KITLG: variants seen among roughly 807,000 people sequenced by gnomAD.
KITLG encodes the protein c-Kit ligand.
KITLG carries 13 observed loss-of-function variants against 34.1 expected under a neutral mutation model. The ratio of observed to expected loss-of-function variants is 0.38; its 90% CI spans 0.25 to 0.61. The LOEUF is 0.61. Ranked by LOEUF, KITLG falls within the 20% of genes least tolerant of loss-of-function variation. The probability of loss-of-function intolerance (pLI) is 0.60; values close to 1 mark genes in which losing one functional copy is unlikely to be tolerated. For missense variants in KITLG, 292 were observed against 318.9 expected (o/e 0.92, Z 0.64); for synonymous variants, 110 against 104.0 (o/e 1.06, Z -0.35).
intron 2 of KITLG, among the ~76,000 whole-genome samples, chr12:88,539,986 C>T (rs1870466422): frequency 6.6e-6 from 1 of 151,924 alleles, no homozygotes; most frequent in Non-Finnish European, 1.5e-5. Flanking sequence ...TAAAGAATAT[C>T]TAAATAAAGA....
chr12:88,541,130 T>C (rs1870503446), intron 2 of KITLG, among the ~76,000 whole-genome samples: 3 of 152,284 alleles, frequency 2.0e-5, no homozygotes, highest in East Asian at 3.9e-4. Flanking sequence ...AAACTGTCTA[T>C]TCAAAGTGTG....
chr12:88,560,366 A>G (rs1302591788), intron 1 of KITLG, among the ~76,000 whole-genome samples: 1 of 152,214 alleles, frequency 6.6e-6, no homozygotes, highest in African/African-American at 2.4e-5. Context: ...TGACTATACA[A>G]TCATTCACAA....
At chr12:88,560,967 CAAAAAAAAA>C (rs34851499) in intron 1 of KITLG, among the ~76,000 whole-genome samples, 31 of 58,096 alleles carry the variant, frequency 5.3e-4, no homozygotes, top group African/African-American at 2.4e-3. Flanking sequence ...GACTCTGTCT[CAAAAAAAAA>C]AAAAAAAAAA....
At chr12:88,509,468 A>C (rs1869194241) in intron 6 of KITLG, among the ~76,000 whole-genome samples, 1 of 152,210 alleles carries the variant, frequency 6.6e-6, no homozygotes, top group Admixed American at 6.5e-5. Flanking sequence ...TTACTAAAGA[A>C]AGCTCAGACT....
At chr12:88,532,048 A>T (rs953698051) in intron 3 of KITLG, among the ~76,000 whole-genome samples, 1 of 152,096 alleles carries the variant, frequency 6.6e-6, no homozygotes, top group African/African-American at 2.4e-5. Context: ...ATAAAAATTT[A>T]AAAATAAAGT....
intron 1 of KITLG, among the ~76,000 whole-genome samples, chr12:88,547,551 A>G (rs1236441192): frequency 6.6e-6 from 1 of 152,228 alleles, no homozygotes; most frequent in Non-Finnish European, 1.5e-5. Context: ...CTGTCCCTTA[A>G]TAACAGTCTT....
At chr12:88,541,282 C>A (rs939069199) in intron 2 of KITLG, among the ~76,000 whole-genome samples, 1 of 152,098 alleles carries the variant, frequency 6.6e-6, no homozygotes, top group Non-Finnish European at 1.5e-5. Context: ...TGCTATCTTA[C>A]TAATTTGTAG....
chr12:88,521,121 G>A (rs1216983582), intron 3 of KITLG, among the ~76,000 whole-genome samples: 2 of 152,040 alleles, frequency 1.3e-5, no homozygotes, highest in East Asian at 1.9e-4. Flanking sequence ...TTTGGAAAAG[G>A]CTGAATCATA....
intron 9 of KITLG, among the ~76,000 whole-genome samples, chr12:88,498,347 T>C (rs1223567968): frequency 3.9e-5 from 6 of 152,122 alleles, no homozygotes; most frequent in African/African-American, 1.4e-4. Flanking sequence ...TTAAAAACTG[T>C]CTTATACAAC....
chr12:88,511,048 C>T (rs139296264), intron 6 of KITLG, among the ~76,000 whole-genome samples: 5 of 151,916 alleles, frequency 3.3e-5, no homozygotes, highest in African/African-American at 1.2e-4. Context: ...AAGTTGCTGA[C>T]AATGCAAGAC....
chr12:88,544,642 G>A (rs1421922427), intron 2 of KITLG, among the ~76,000 whole-genome samples: 3 of 152,002 alleles, frequency 2.0e-5, no homozygotes, highest in Non-Finnish European at 2.9e-5. Context: ...ATCTGCTGCT[G>A]CTGCATGGAA....
At chr12:88,504,137 G>A (rs530852285) in intron 9 of KITLG, among the ~76,000 whole-genome samples, 1 of 152,108 alleles carries the variant, frequency 6.6e-6, no homozygotes, top group African/African-American at 2.4e-5. Flanking sequence ...TCCCACACTA[G>A]ATGAATCCAC....
intron 1 of KITLG, among the ~76,000 whole-genome samples, chr12:88,578,989 G>T (rs1170665795): frequency 1.3e-5 from 2 of 152,190 alleles, no homozygotes; most frequent in African/African-American, 4.8e-5. Context: ...TTGTAAGAGA[G>T]GGGAGAGGCA....
chr12:88,527,014 G>A (rs577224942), intron 3 of KITLG, among the ~76,000 whole-genome samples: 32 of 151,954 alleles, frequency 2.1e-4, no homozygotes, highest in African/African-American at 6.3e-4. Context: ...GACTACAGGC[G>A]CCCGCCACCA....
chr12:88,566,067 C>CTTTA (rs1323202561), intron 1 of KITLG, among the ~76,000 whole-genome samples: 1 of 152,160 alleles, frequency 6.6e-6, no homozygotes, highest in African/African-American at 2.4e-5. Context: ...TCACCTTCTC[C>CTTTA]TTTATTTATT....
At chr12:88,502,702 T>A (rs1868908025) in intron 9 of KITLG, among the ~76,000 whole-genome samples, 1 of 152,180 alleles carries the variant, frequency 6.6e-6, no homozygotes, top group Non-Finnish European at 1.5e-5. Flanking sequence ...CACTCCCAAA[T>A]GTCATGGGAC....
chr12:88,576,772 G>A (rs1033871271), intron 1 of KITLG, among the ~76,000 whole-genome samples: 5 of 151,976 alleles, frequency 3.3e-5, no homozygotes, highest in African/African-American at 1.2e-4. Flanking sequence ...TAAAGCGAAG[G>A]CCACATGTAG....
chr12:88,531,678 C>A (rs1161518427), intron 3 of KITLG, among the ~76,000 whole-genome samples: 5 of 152,006 alleles, frequency 3.3e-5, no homozygotes, highest in Admixed American at 3.3e-4. Flanking sequence ...TGAGGTAGGT[C>A]AGCTATGAAA....
chr12:88,561,335 C>T (rs1377464850), intron 1 of KITLG, among the ~76,000 whole-genome samples: 1 of 152,150 alleles, frequency 6.6e-6, no homozygotes. Flanking sequence ...TAACATCATG[C>T]CCAAACTTGA....
Sources: gnomAD v4.1 joint callset for allele counts (sites outside exome capture counted in the v4.1 genomes callset) on GRCh38, gnomAD v4.1.1 for gene constraint, MANE v1.5 for transcripts, NCBI Gene and HGNC (gene_info 2026-07-23, HGNC 2026-07-21) for gene names.